SLC38A12: variants seen among roughly 807,000 people sequenced by gnomAD.
SLC38A12 encodes the protein putative sodium-coupled neutral amino acid transporter 12.
At chr17:74,789,616 T>TGGGTGGA in the SLC38A12 span, among the ~76,000 whole-genome samples, 1 of 149,174 alleles carries the variant, frequency 6.7e-6, no homozygotes, top group Non-Finnish European at 1.5e-5. Context: ...GAGGCCGAGG[T>TGGGTGGA]GGGTGGATCA....
chr17:74,801,764 A>G, the SLC38A12 span, among the ~76,000 whole-genome samples: 161 of 152,290 alleles, frequency 1.1e-3, 1 homozygote, highest in African/African-American at 3.5e-3. Flanking sequence ...AAGGAAATCA[A>G]TAATACAGGG....
At chr17:74,819,036 C>G in the SLC38A12 span, among the ~76,000 whole-genome samples, 1 of 152,352 alleles carries the variant, frequency 6.6e-6, no homozygotes, top group Middle Eastern at 3.4e-3. Context: ...AATGAGAGGA[C>G]CCATGCTGAC....
At chr17:74,776,930 G>C in the SLC38A12 span, among the ~76,000 whole-genome samples, 1 of 152,198 alleles carries the variant, frequency 6.6e-6, no homozygotes, top group Admixed American at 6.5e-5. Context: ...ACTAAACGAG[G>C]ATAACCACCC....
At chr17:74,838,633 C>T in the SLC38A12 span, 2 of 1,364,626 alleles carry the variant, frequency 1.5e-6, no homozygotes, top group Non-Finnish European at 1.9e-6. Flanking sequence ...TGGGGACCCT[C>T]ACCACTGCCG....
At chr17:74,838,587 G>C in the SLC38A12 span, 18 of 1,262,104 alleles carry the variant, frequency 1.4e-5, no homozygotes, top group Non-Finnish European at 1.7e-5. Context: ...GCCCTGGAGG[G>C]AACTGGCCAG....
the SLC38A12 span, among the ~76,000 whole-genome samples, chr17:74,784,560 T>C: frequency 1.9e-4 from 29 of 151,868 alleles, no homozygotes; most frequent in African/African-American, 7.0e-4. Flanking sequence ...GCCTGCCGAT[T>C]GCACCAAGAA....
the SLC38A12 span, among the ~76,000 whole-genome samples, chr17:74,827,557 A>T: frequency 6.6e-6 from 1 of 151,996 alleles, no homozygotes; most frequent in Non-Finnish European, 1.5e-5. This position sits in a 1 kb window ranked among gnomAD's most constrained non-coding sequence, Gnocchi z 4.7. Context: ...CGGCCTCCCA[A>T]AGTGGTGGGA....
chr17:74,786,258 C>A, the SLC38A12 span, among the ~76,000 whole-genome samples: 1 of 152,160 alleles, frequency 6.6e-6, no homozygotes, highest in Non-Finnish European at 1.5e-5. Context: ...CAGCAAGTGC[C>A]CCAGGCCAGG....
At chr17:74,783,652 C>T in the SLC38A12 span, among the ~76,000 whole-genome samples, 2 of 152,044 alleles carry the variant, frequency 1.3e-5, no homozygotes, top group Non-Finnish European at 2.9e-5. Flanking sequence ...AACCACTGCC[C>T]AGCCCCTCCT....
At chr17:74,801,680 C>A in the SLC38A12 span, among the ~76,000 whole-genome samples, 19 of 152,300 alleles carry the variant, frequency 1.2e-4, no homozygotes, top group East Asian at 3.7e-3. Context: ...CCTGGGTGAA[C>A]TCTAACTTCA....
chr17:74,822,087 G>A, the SLC38A12 span, among the ~76,000 whole-genome samples: 2 of 152,200 alleles, frequency 1.3e-5, no homozygotes, highest in African/African-American at 4.8e-5. Context: ...CAATACATTT[G>A]TTGAAAGGGA....
the SLC38A12 span, among the ~76,000 whole-genome samples, chr17:74,801,459 C>G: frequency 6.6e-6 from 1 of 151,180 alleles, no homozygotes; most frequent in African/African-American, 2.5e-5. Context: ...GTTTGTCCCA[C>G]ATATGCTGAG....
chr17:74,819,410 C>T, the SLC38A12 span, among the ~76,000 whole-genome samples: 1 of 152,188 alleles, frequency 6.6e-6, no homozygotes, highest in Non-Finnish European at 1.5e-5. Flanking sequence ...ATGGGCAGTT[C>T]GAGGGTGGGC....
At chr17:74,777,244 G>A in the SLC38A12 span, 11 of 1,487,258 alleles carry the variant, frequency 7.4e-6, no homozygotes, top group African/African-American at 2.8e-5. Flanking sequence ...GATAGGTGAA[G>A]CCTGCTCTTT....
At chr17:74,821,730 C>G in the SLC38A12 span, among the ~76,000 whole-genome samples, 1 of 152,250 alleles carries the variant, frequency 6.6e-6, no homozygotes, top group Non-Finnish European at 1.5e-5. Context: ...CGTTCTCCCT[C>G]CTTGCCTTCC....
the SLC38A12 span, among the ~76,000 whole-genome samples, chr17:74,784,023 G>A: frequency 0.079 from 11,543 of 147,016 alleles, 678 homozygotes; most frequent in African/African-American, 0.16. Flanking sequence ...CACTGCATCC[G>A]TCCTCTTCAT....
chr17:74,816,801 G>A, the SLC38A12 span, among the ~76,000 whole-genome samples: 1 of 152,028 alleles, frequency 6.6e-6, no homozygotes. Context: ...AATGGCATTT[G>A]GGGGTTGGAA....
chr17:74,790,117 C>A, the SLC38A12 span: 1 of 1,157,448 alleles, frequency 8.6e-7, no homozygotes, highest in East Asian at 2.4e-5. Context: ...CCACACCTGG[C>A]TAACATTCTG....
the SLC38A12 span, chr17:74,819,792 G>T: frequency 1.2e-6 from 2 of 1,614,210 alleles, no homozygotes; most frequent in Non-Finnish European, 1.7e-6. Flanking sequence ...CTTCTTTGAC[G>T]TCCAGAAGAC....
Sources: allele counts gnomAD v4.1 joint callset (sites outside exome capture counted in the v4.1 genomes callset), GRCh38; gene constraint gnomAD v4.1.1; non-coding constraint Gnocchi (gnomAD v3.1); transcripts MANE v1.5; gene names NCBI Gene and HGNC (gene_info 2026-07-23, HGNC 2026-07-21).